The following ALK variants were observed in gnomAD, a reference collection of about 807,000 sequenced individuals.
The protein encoded by ALK is ALK receptor tyrosine kinase, also known as ALK tyrosine kinase receptor.
Under a neutral mutation model 163.1 loss-of-function variants are expected in ALK, and 74 were observed. The observed-to-expected ratio is 0.45, with a 90% CI of 0.38 to 0.55. The LOEUF is 0.55. ALK is among the 20% of genes least tolerant of loss of function. The pLI, the probability that ALK is intolerant of heterozygous loss-of-function variation, is 0.00. For synonymous variants in ALK, 960 were observed against 843.2 expected (o/e 1.14, Z -2.40); for missense variants, 2,063 against 2,105.3 (o/e 0.98, Z 0.39).
intron 1 of ALK, among the ~76,000 whole-genome samples, chr2:29,739,179 C>T (rs1262569920): frequency 7.5e-6 from 1 of 133,948 alleles, no homozygotes; most frequent in African/African-American, 2.9e-5. Flanking sequence ...TTTGAGGCTG[C>T]AGTGAGATAA....
At chr2:29,705,261 A>G (rs375246920) in intron 2 of ALK, among the ~76,000 whole-genome samples, 2 of 67,206 alleles carry the variant, frequency 3.0e-5, no homozygotes, top group South Asian at 5.1e-4. Flanking sequence ...ATATATATAT[A>G]TATATATATA....
At chr2:29,366,023 C>T (rs148533317) in intron 5 of ALK, among the ~76,000 whole-genome samples, 2 of 152,068 alleles carry the variant, frequency 1.3e-5, no homozygotes, top group South Asian at 4.1e-4. Flanking sequence ...CTGCACACTA[C>T]TTTGGGTTGG....
intron 4 of ALK, among the ~76,000 whole-genome samples, chr2:29,398,091 A>G (rs1669353558): frequency 6.6e-6 from 1 of 152,158 alleles, no homozygotes; most frequent in Admixed American, 6.5e-5. Context: ...CTTTTAAGGG[A>G]TGCTGAGCCT....
At chr2:29,882,167 C>T (rs1558532047) in intron 1 of ALK, among the ~76,000 whole-genome samples, 1 of 152,178 alleles carries the variant, frequency 6.6e-6, no homozygotes, top group African/African-American at 2.4e-5. Context: ...GCATCGATGT[C>T]CCCTCAAAAC....
At chr2:29,609,762 G>A (rs554820035) in intron 3 of ALK, among the ~76,000 whole-genome samples, 17 of 151,870 alleles carry the variant, frequency 1.1e-4, no homozygotes, top group Non-Finnish European at 2.2e-4. Flanking sequence ...TCCCACCTCA[G>A]CCTCCTGAGT....
At chr2:29,806,959 A>G (rs1395611909) in intron 1 of ALK, among the ~76,000 whole-genome samples, 2 of 152,274 alleles carry the variant, frequency 1.3e-5, no homozygotes, top group Non-Finnish European at 2.9e-5. Flanking sequence ...GCACATGTGC[A>G]CGTGCACGCA....
intron 26 of ALK, among the ~76,000 whole-genome samples, chr2:29,200,768 T>C (rs56307377): frequency 7.0e-6 from 1 of 142,438 alleles, no homozygotes; most frequent in African/African-American, 2.6e-5. Flanking sequence ...TATGTATATA[T>C]ATACGTATAT....
At chr2:29,704,673 T>C (rs1678843934) in intron 2 of ALK, among the ~76,000 whole-genome samples, 1 of 152,180 alleles carries the variant, frequency 6.6e-6, no homozygotes, top group Non-Finnish European at 1.5e-5. Context: ...CTCCTGCATG[T>C]ATTCTTCTGC....
chr2:29,272,428 G>T (rs1307975078), intron 11 of ALK, among the ~76,000 whole-genome samples: 1 of 152,230 alleles, frequency 6.6e-6, no homozygotes, highest in Non-Finnish European at 1.5e-5. Context: ...AACTTGAGCG[G>T]CTCAGCTCTG....
chr2:29,710,499 C>CGTGT (rs55939983), intron 2 of ALK, among the ~76,000 whole-genome samples: 46,631 of 144,522 alleles, frequency 0.32, 8,462 homozygotes, highest in Non-Finnish European at 0.41. Context: ...AGTCTGTGTG[C>CGTGT]GTGTGTGTGT....
intron 1 of ALK, among the ~76,000 whole-genome samples, chr2:29,798,271 G>C (rs753766866): frequency 5.3e-5 from 8 of 152,156 alleles, no homozygotes; most frequent in African/African-American, 1.7e-4. Flanking sequence ...TTATTAAATT[G>C]GTATCATCAC....
intron 4 of ALK, among the ~76,000 whole-genome samples, chr2:29,529,877 A>C (rs1673072696): frequency 6.6e-6 from 1 of 152,132 alleles, no homozygotes; most frequent in South Asian, 2.1e-4. Flanking sequence ...CACCCTCCAG[A>C]GGACAGAGCA....
intron 1 of ALK, among the ~76,000 whole-genome samples, chr2:29,769,669 CT>C (rs2148343176): frequency 6.6e-6 from 1 of 152,322 alleles, no homozygotes; most frequent in South Asian, 2.1e-4. Flanking sequence ...GAGGTGTTCC[CT>C]CTTTAGAGGA....
chr2:29,635,303 AC>A (rs1467812381), intron 3 of ALK, among the ~76,000 whole-genome samples: 1 of 152,374 alleles, frequency 6.6e-6, no homozygotes, highest in East Asian at 1.9e-4. Flanking sequence ...TGTGGTCTTC[AC>A]AGATATGGTT....
At chr2:29,682,743 A>G (rs1219307024) in intron 3 of ALK, among the ~76,000 whole-genome samples, 1 of 152,202 alleles carries the variant, frequency 6.6e-6, no homozygotes, top group Non-Finnish European at 1.5e-5. Flanking sequence ...TCATGGCAAT[A>G]TATAACCGAA....
At chr2:29,282,337 GC>G (rs1470692388) in intron 9 of ALK, among the ~76,000 whole-genome samples, 2 of 152,180 alleles carry the variant, frequency 1.3e-5, no homozygotes, top group Non-Finnish European at 2.9e-5. Context: ...TGAAGAAAAA[GC>G]CCTGCCACAT....
chr2:29,595,316 T>G (rs1340310969), intron 3 of ALK, among the ~76,000 whole-genome samples: 1 of 147,432 alleles, frequency 6.8e-6, no homozygotes, highest in Non-Finnish European at 1.5e-5. Context: ...GCTGTCTTAC[T>G]GGATTTTTTT....
intron 1 of ALK, among the ~76,000 whole-genome samples, chr2:29,748,253 A>C (rs1222367901): frequency 6.6e-6 from 1 of 152,182 alleles, no homozygotes; most frequent in Non-Finnish European, 1.5e-5. Flanking sequence ...TGTCTGAGTC[A>C]GGACCCATGG....
At chr2:29,560,302 T>C (rs1673984172) in intron 3 of ALK, among the ~76,000 whole-genome samples, 9 of 152,078 alleles carry the variant, frequency 5.9e-5, no homozygotes, top group Admixed American at 5.9e-4. Context: ...CATGATACAA[T>C]ATATATGAAG....
Sources: allele counts gnomAD v4.1 joint callset (sites outside exome capture counted in the v4.1 genomes callset), GRCh38; gene constraint gnomAD v4.1.1; transcripts MANE v1.5; gene names NCBI Gene and HGNC (gene_info 2026-07-23, HGNC 2026-07-21).